Variants in PAPPA2 observed in about 807,000 individuals in gnomAD.
PAPPA2 encodes pappalysin-2.
In PAPPA2, 86 loss-of-function variants were observed where a neutral mutation model predicts 176.4. The observed-to-expected ratio is 0.49, with a 90% CI of 0.41 to 0.58. PAPPA2 has a LOEUF of 0.58. PAPPA2 is among the 20% of genes least tolerant of loss of function. The probability of loss-of-function intolerance (pLI) is 0.00; values close to 1 mark genes in which losing one functional copy is unlikely to be tolerated. For synonymous variants in PAPPA2, 809 were observed against 852.2 expected, an observed-to-expected ratio of 0.95 and a Z score of 0.88; for missense variants, 2,073 against 2,256.9, an observed-to-expected ratio of 0.92 and a Z score of 1.65.
chr1:176,499,414 G>T (rs149177020), intron 1 of PAPPA2, among the ~76,000 whole-genome samples: 237 of 152,250 alleles, frequency 1.6e-3, no homozygotes, highest in Admixed American at 2.6e-3. Context: ...TTATTCCAAA[G>T]ATCTATAAAA....
intron 12 of PAPPA2, among the ~76,000 whole-genome samples, chr1:176,723,907 C>A (rs923326315): frequency 2.0e-5 from 3 of 152,164 alleles, no homozygotes; most frequent in African/African-American, 7.2e-5. Context: ...TTGATCCCTA[C>A]TATAGCCTTG....
chr1:176,711,813 G>A (rs375517911), intron 11 of PAPPA2, 22 bp from the exon 12 acceptor site: 15 of 1,586,636 alleles, frequency 9.5e-6, no homozygotes, highest in East Asian at 2.3e-5. Context: ...ACTTCAAATT[G>A]TTGGTTGAAA....
At chr1:176,653,850 T>C (rs1199970348) in intron 3 of PAPPA2, among the ~76,000 whole-genome samples, 1 of 151,814 alleles carries the variant, frequency 6.6e-6, no homozygotes, top group Non-Finnish European at 1.5e-5. Flanking sequence ...TGTTCTTTTC[T>C]TACTTGAATT....
At chr1:176,640,553 T>C (rs1573178318) in intron 3 of PAPPA2, among the ~76,000 whole-genome samples, 1 of 151,920 alleles carries the variant, frequency 6.6e-6, no homozygotes, top group South Asian at 2.1e-4. Flanking sequence ...TATTCCATGG[T>C]GTATATGTGC....
chr1:176,699,567 T>G lies in PAPPA2; in HGVS notation c.3214T>G (p.Ser1072Ala). 6.2e-7 allele frequency: 1 copy of G among 1,606,700 alleles called. No homozygotes were observed. The highest frequency in any genetic ancestry group is 8.5e-7 in the Non-Finnish European group (1 of 1,174,054). ...TGGTTTGCCCGTGGTGGTGACACAT[T>G]CTCACAGGAAGTTCACGGACGTGTG... ...ASGLPVVVTH[S>A]HRKFTDVEVT... Residue 1072 changes from serine to alanine, a missense_variant, in exon 8 of 23, where the codon TCT (serine) becomes GCT (alanine). Coordinates refer to ENST00000367662, the MANE Select transcript of PAPPA2 (RefSeq NM_020318.3).
At chr1:176,571,959 C>T (rs1652367007) in intron 2 of PAPPA2, among the ~76,000 whole-genome samples, 1 of 152,104 alleles carries the variant, frequency 6.6e-6, no homozygotes, top group East Asian at 1.9e-4. Flanking sequence ...ATCTTAAAGC[C>T]CTTCGAGATA....
chr1:176,588,588 A>G (rs187422338), intron 2 of PAPPA2, among the ~76,000 whole-genome samples: 89 of 152,288 alleles, frequency 5.8e-4, no homozygotes, highest in Non-Finnish European at 1.2e-3. Flanking sequence ...TTCAGCTGTA[A>G]TTCGTGCTAG....
chr1:176,635,541 A>G (rs1656645240), intron 3 of PAPPA2, among the ~76,000 whole-genome samples: 1 of 152,112 alleles, frequency 6.6e-6, no homozygotes, highest in Non-Finnish European at 1.5e-5. Context: ...ATTTATCTTG[A>G]GAAATTGTGG....
rs1239205451 is a variant in PAPPA2 at position 176,547,834 on chromosome 1, A to G, written c.-916-7573A>G. Among the ~76,000 whole-genome samples the G allele has an allele frequency of 2.6e-5, 4 of 152,234 alleles. No individual in the cohort carries two copies. The East Asian group carries it at 7.7e-4, about 29-fold the overall frequency. On this transcript the variant is annotated intron_variant, in intron 1 of 22. Coordinates refer to ENST00000367662, the MANE Select transcript of PAPPA2 (RefSeq NM_020318.3). ...GTGATATCATTTCTGGTTAAGAACC[A>G]CTACTCTACCACAACAATGGTATGT...
intron 1 of PAPPA2, among the ~76,000 whole-genome samples, chr1:176,473,210 A>G (rs1651963389): frequency 6.6e-6 from 1 of 152,182 alleles, no homozygotes; most frequent in Non-Finnish European, 1.5e-5. Context: ...CCCCTGTCCT[A>G]ACCCCTGACA....
chr1:176,568,349 C>T (rs1394194055), intron 2 of PAPPA2, among the ~76,000 whole-genome samples: 1 of 152,196 alleles, frequency 6.6e-6, no homozygotes, highest in African/African-American at 2.4e-5. Context: ...GTGCCAAGCA[C>T]TACTGTGGTC....
chr1:176,715,947 C>T (rs1387610443), intron 12 of PAPPA2, among the ~76,000 whole-genome samples: 12 of 151,606 alleles, frequency 7.9e-5, no homozygotes, highest in Middle Eastern at 3.5e-3. Context: ...CAAGTCTATG[C>T]AGTTATTAAT....
chr1:176,770,859 G>C, intron 16 of PAPPA2, 108 bp from the exon 17 acceptor site: 1 of 989,848 alleles, frequency 1.0e-6, no homozygotes, highest in South Asian at 1.5e-5. Flanking sequence ...AGAATAATAT[G>C]ACTTTTGAAA....
chr1:176,655,968 G>A (rs757268872), intron 3 of PAPPA2, among the ~76,000 whole-genome samples: 29 of 151,864 alleles, frequency 1.9e-4, no homozygotes, highest in African/African-American at 2.9e-4. Context: ...TCACTGTCCC[G>A]TGATATATAA....
chr1:176,651,955 A>G (rs1481423708), intron 3 of PAPPA2, among the ~76,000 whole-genome samples: 2 of 151,430 alleles, frequency 1.3e-5, no homozygotes, highest in Non-Finnish European at 3.0e-5. Flanking sequence ...AGTTCAGCAA[A>G]TGTATTTCTC....
At chr1:176,576,017 T>C (rs894293494) in intron 2 of PAPPA2, among the ~76,000 whole-genome samples, 2 of 152,216 alleles carry the variant, frequency 1.3e-5, no homozygotes, top group African/African-American at 4.8e-5. Flanking sequence ...TGGACTGTAC[T>C]CTTTCTCTAT....
At chr1:176,530,906 T>C (rs533341887) in intron 1 of PAPPA2, among the ~76,000 whole-genome samples, 1 of 152,332 alleles carries the variant, frequency 6.6e-6, no homozygotes, top group East Asian at 1.9e-4. Flanking sequence ...GCATTTTTTC[T>C]TTTCTTTTTA....
At chr1:176,730,468 G>A (rs1441227016) in intron 12 of PAPPA2, among the ~76,000 whole-genome samples, 1 of 151,800 alleles carries the variant, frequency 6.6e-6, no homozygotes, top group East Asian at 1.9e-4. Flanking sequence ...CCTTTCTTGT[G>A]TATATTTTTG....
At chr1:176,735,645 G>A (rs1218306034) in intron 12 of PAPPA2, among the ~76,000 whole-genome samples, 2 of 151,976 alleles carry the variant, frequency 1.3e-5, no homozygotes, top group African/African-American at 4.8e-5. Flanking sequence ...AAAATCAACT[G>A]AGTGTGTGAG....
Sources: gnomAD v4.1 joint callset for allele counts (sites outside exome capture counted in the v4.1 genomes callset) on GRCh38, gnomAD v4.1.1 for gene constraint, MANE v1.5 for transcripts, NCBI Gene and HGNC (gene_info 2026-07-23, HGNC 2026-07-21) for gene names.